RIMS1: variants seen among roughly 807,000 people sequenced by gnomAD.
RIMS1 encodes the protein regulating synaptic membrane exocytosis 1.
RIMS1 carries 83 observed loss-of-function variants against 214.1 expected under a neutral mutation model. The observed-to-expected ratio is 0.39, with a 90% CI of 0.32 to 0.47. RIMS1 has a LOEUF of 0.47. RIMS1 is among the 20% of genes least tolerant of loss of function. RIMS1 has a pLI of 0.99. For missense variants in RIMS1, 2,050 were observed against 2,161.8 expected, an observed-to-expected ratio of 0.95 and a Z score of 1.03; for synonymous variants, 793 against 786.8, an observed-to-expected ratio of 1.01 and a Z score of -0.13.
At chr6:72,181,358 A>G (rs2048373204) in intron 5 of RIMS1, among the ~76,000 whole-genome samples, 1 of 152,202 alleles carries the variant, frequency 6.6e-6, no homozygotes, top group Non-Finnish European at 1.5e-5. Flanking sequence ...TATCTCAGGG[A>G]ACGTAGAATT....
chr6:71,954,695 CT>C (rs58525569), intron 1 of RIMS1, among the ~76,000 whole-genome samples: 2,045 of 144,466 alleles, frequency 0.014, 32 homozygotes, highest in African/African-American at 0.044. Flanking sequence ...AGTAATTTTT[CT>C]TTTTTTTTTT....
At chr6:71,978,906 G>C (rs1797801879) in intron 2 of RIMS1, among the ~76,000 whole-genome samples, 1 of 152,026 alleles carries the variant, frequency 6.6e-6, no homozygotes, top group Non-Finnish European at 1.5e-5. Context: ...TGAAAATAGA[G>C]AATTCTAGGA....
chr6:71,915,646 ATTGT>A, intron 1 of RIMS1, among the ~76,000 whole-genome samples: 1 of 152,212 alleles, frequency 6.6e-6, no homozygotes, highest in African/African-American at 2.4e-5. Context: ...TTCTCACAGG[ATTGT>A]TTGGAGGATT....
At chr6:71,983,873 A>G (rs1799148032) in intron 2 of RIMS1, among the ~76,000 whole-genome samples, 1 of 152,192 alleles carries the variant, frequency 6.6e-6, no homozygotes. Context: ...TTTTTATCAT[A>G]TTACTGTCTG....
chr6:72,073,310 A>G (rs540895715), intron 2 of RIMS1, among the ~76,000 whole-genome samples: 1 of 152,322 alleles, frequency 6.6e-6, no homozygotes, highest in Non-Finnish European at 1.5e-5. Flanking sequence ...TACAAATAAA[A>G]TGCAAATCAT....
chr6:72,323,129 C>T (rs2096262835), intron 28 of RIMS1, among the ~76,000 whole-genome samples: 1 of 152,030 alleles, frequency 6.6e-6, no homozygotes, highest in Non-Finnish European at 1.5e-5. Flanking sequence ...TGAATAATAG[C>T]AAATCTTTAA....
At chr6:71,912,771 A>G (rs74938130) in intron 1 of RIMS1, among the ~76,000 whole-genome samples, 3,363 of 152,248 alleles carry the variant, frequency 0.022, 124 homozygotes, top group African/African-American at 0.076. Flanking sequence ...CATATTGCCC[A>G]ATAGAAAAAT....
intron 4 of RIMS1, among the ~76,000 whole-genome samples, chr6:72,132,259 G>A (rs2040565460): frequency 6.6e-6 from 1 of 152,140 alleles, no homozygotes; most frequent in Non-Finnish European, 1.5e-5. Context: ...TTTAAGTTTA[G>A]AGATTGCAGT....
At chr6:72,129,728 T>A (rs955205902) in intron 4 of RIMS1, among the ~76,000 whole-genome samples, 1 of 152,024 alleles carries the variant, frequency 6.6e-6, no homozygotes, top group Non-Finnish European at 1.5e-5. Context: ...CAGAGAAAAC[T>A]GCTAAAAAAA....
At chr6:72,260,608 G>T in intron 18 of RIMS1, 97 bp from the exon 19 acceptor site, 1 of 1,493,780 alleles carries the variant, frequency 6.7e-7, no homozygotes, top group Non-Finnish European at 9.1e-7. Context: ...CAGACAATCT[G>T]GTTTCTTCCC....
At chr6:72,343,246 A>T (rs955559257) in intron 29 of RIMS1, among the ~76,000 whole-genome samples, 1 of 151,840 alleles carries the variant, frequency 6.6e-6, no homozygotes, top group Non-Finnish European at 1.5e-5. Flanking sequence ...CTTTGAGAAT[A>T]TATTGCCACA....
chr6:71,974,716 C>G (rs1328709511), intron 2 of RIMS1, among the ~76,000 whole-genome samples: 10 of 152,100 alleles, frequency 6.6e-5, no homozygotes, highest in Admixed American at 5.9e-4. Context: ...ATGATAAAAT[C>G]AAGAAGAGAG....
intron 29 of RIMS1, among the ~76,000 whole-genome samples, chr6:72,369,893 C>T (rs1351177248): frequency 6.6e-6 from 1 of 152,154 alleles, no homozygotes; most frequent in African/African-American, 2.4e-5. Context: ...AGAGATACCA[C>T]CCTGGGAGTT....
chr6:72,316,965 G>GGA (rs912104901), intron 28 of RIMS1: 1 of 620,114 alleles, frequency 1.6e-6, no homozygotes, highest in African/African-American at 1.8e-5. Context: ...TAGGCTCTGT[G>GGA]GAGAGGGTCG....
chr6:72,360,933 G>GT (rs771244884), intron 29 of RIMS1, among the ~76,000 whole-genome samples: 1,945 of 141,204 alleles, frequency 0.014, 18 homozygotes, highest in African/African-American at 0.03. Context: ...TAAGTGGTAG[G>GT]TTTTTTTTTT....
intron 2 of RIMS1, among the ~76,000 whole-genome samples, chr6:71,970,568 A>AT (rs538072947): frequency 1.1e-4 from 17 of 152,232 alleles, no homozygotes; most frequent in African/African-American, 4.1e-4. Context: ...ACATTAGATA[A>AT]TTTTTCTCTT....
At chr6:71,962,745 A>G (rs1464643363) in intron 1 of RIMS1, among the ~76,000 whole-genome samples, 1 of 152,190 alleles carries the variant, frequency 6.6e-6, no homozygotes, top group Non-Finnish European at 1.5e-5. Context: ...GGTTGCTTTT[A>G]AAGACCTCCT....
At chr6:72,399,835 T>C (rs1035698278) in intron 33 of RIMS1, among the ~76,000 whole-genome samples, 3 of 151,914 alleles carry the variant, frequency 2.0e-5, no homozygotes, top group African/African-American at 7.3e-5. Context: ...AACCTGGGAG[T>C]ATGTGAAATG....
chr6:72,336,734 T>C (rs2096856965), intron 29 of RIMS1, among the ~76,000 whole-genome samples: 1 of 151,830 alleles, frequency 6.6e-6, no homozygotes, highest in African/African-American at 2.4e-5. Flanking sequence ...TCAATCTTCT[T>C]GATCTTTCTA....
Sources: allele counts gnomAD v4.1 joint callset (sites outside exome capture counted in the v4.1 genomes callset), GRCh38; gene constraint gnomAD v4.1.1; transcripts MANE v1.5; gene names NCBI Gene and HGNC (gene_info 2026-07-23, HGNC 2026-07-21).